Variants in LRMDA observed in about 807,000 individuals in gnomAD.
The protein encoded by LRMDA is leucine rich melanocyte differentiation associated, also known as leucine-rich melanocyte differentiation-associated protein.
A neutral mutation model predicts 29.8 loss-of-function variants in LRMDA; 18 were observed. The ratio of observed to expected loss-of-function variants is 0.60; its 90% CI spans 0.42 to 0.90. The LOEUF is 0.90. Ranked by LOEUF, LRMDA falls within the 40% of genes least tolerant of loss-of-function variation. The pLI, the probability that LRMDA is intolerant of heterozygous loss-of-function variation, is 0.00. For synonymous variants in LRMDA, 125 were observed against 109.4 expected, an observed-to-expected ratio of 1.14 and a Z score of -0.89; for missense variants, 273 against 273.9, an observed-to-expected ratio of 1.00 and a Z score of 0.02.
At position 76,179,238 on chromosome 10, in the gene LRMDA, G is replaced by A. The variant is rs192211065; in HGVS notation, c.516+120455G>A. On this transcript the variant is annotated intron_variant, in intron 5 of 6. Transcript: ENST00000611255. ...GAAAAGAATAGGATGCAATCAAGGA[G>A]GGGGGGGTGGTGGAGGAGTAGAGGA... Among the ~76,000 whole-genome samples the A allele has an allele frequency of 1.5e-4, 22 of 151,016 alleles. No individual in the cohort carries two copies. In the East Asian group the frequency reaches 3.9e-3, roughly 27 times the overall value.
chr10:75,992,116 A>G (rs1847380502), intron 2 of LRMDA, among the ~76,000 whole-genome samples: 1 of 152,150 alleles, frequency 6.6e-6, no homozygotes, highest in Non-Finnish European at 1.5e-5. Context: ...GTGGGTGACA[A>G]TCTCTTCATT....
intron 2 of LRMDA, among the ~76,000 whole-genome samples, chr10:75,465,484 G>A (rs149562877): frequency 2.6e-5 from 4 of 152,270 alleles, no homozygotes; most frequent in Admixed American, 6.5e-5. Context: ...CATTTTACGT[G>A]CCCTCTCTTG....
chr10:75,952,848 G>A (rs1298140462), intron 2 of LRMDA, among the ~76,000 whole-genome samples: 1 of 151,970 alleles, frequency 6.6e-6, no homozygotes, highest in Non-Finnish European at 1.5e-5. Context: ...TCCGCCTCCC[G>A]GGTTCAAGCA....
At position 76,450,145 on chromosome 10, in the gene LRMDA, T is replaced by C. The variant is rs111265063; in HGVS notation, c.602-107064T>C. Among the ~76,000 whole-genome samples the C allele has an allele frequency of 3.2e-3, 493 of 152,228 alleles. 4 individuals are homozygous for C. Among genetic ancestry groups the C allele is most frequent in the African/African-American group, 0.011 (472 of 41,582 alleles). On this transcript the variant is annotated intron_variant, in intron 6 of 6. Coordinates refer to ENST00000611255, the MANE Select transcript of LRMDA (RefSeq NM_001305581.2). ...TCAGGAAGAGAATAAAAATGATTAA[T>C]GTTTTTATGATTTTAAGCTTAGTAA...
At chr10:76,040,795 A>C (rs945516489) in intron 3 of LRMDA, among the ~76,000 whole-genome samples, 1 of 152,186 alleles carries the variant, frequency 6.6e-6, no homozygotes, top group African/African-American at 2.4e-5. Flanking sequence ...GGGGCACATA[A>C]GCAGATTTTA....
intron 2 of LRMDA, among the ~76,000 whole-genome samples, chr10:75,925,124 T>G (rs1321927200): frequency 6.6e-6 from 1 of 152,226 alleles, no homozygotes; most frequent in Admixed American, 6.5e-5. Context: ...ACTGGCTTAT[T>G]GTCTGACAAA....
intron 2 of LRMDA, among the ~76,000 whole-genome samples, chr10:75,556,335 C>G (rs1840213051): frequency 6.6e-6 from 1 of 152,144 alleles, no homozygotes; most frequent in South Asian, 2.1e-4. Flanking sequence ...ATAGCAAAGA[C>G]AGTGGGACAT....
At chr10:75,802,008 A>T (rs909592934) in intron 2 of LRMDA, among the ~76,000 whole-genome samples, 34 of 151,868 alleles carry the variant, frequency 2.2e-4, no homozygotes, top group Non-Finnish European at 2.2e-4. Flanking sequence ...CAGCTTGAGG[A>T]CTCTCTTGCT....
intron 2 of LRMDA, among the ~76,000 whole-genome samples, chr10:76,032,143 G>T (rs1484372364): frequency 2.6e-5 from 4 of 152,206 alleles, no homozygotes; most frequent in African/African-American, 9.6e-5. Flanking sequence ...CCCTACCTGG[G>T]CCCGGGCCCT....
At chr10:76,547,572 C>T (rs1418679540) in intron 6 of LRMDA, among the ~76,000 whole-genome samples, 1 of 152,200 alleles carries the variant, frequency 6.6e-6, no homozygotes, top group Non-Finnish European at 1.5e-5. Context: ...GTGATGCTCC[C>T]GACTTCAGCT....
chr10:76,452,250 T>C (rs765772290), intron 6 of LRMDA, among the ~76,000 whole-genome samples: 3 of 152,122 alleles, frequency 2.0e-5, no homozygotes, highest in Non-Finnish European at 4.4e-5. Flanking sequence ...GACAATAATA[T>C]ATGGTAAGAA....
At position 76,294,923 on chromosome 10, in the gene LRMDA, C is replaced by T. The variant is rs114690132; in HGVS notation, c.517-29478C>T. Among the ~76,000 whole-genome samples, 517 of 152,254 alleles carry T rather than the reference C, an allele frequency of 3.4e-3. 1 individual carries two copies. The highest frequency in any genetic ancestry group is 0.012 in the African/African-American group (492 of 41,550). On this transcript the variant is annotated intron_variant, in intron 5 of 6. Transcript: ENST00000611255. ...CTTCTTGGGATTCATACAGTTCACC[C>T]ATCATCTAGAGGACTAGGTTCAGGT...
At chr10:75,900,490 G>A (rs1358750114) in intron 2 of LRMDA, among the ~76,000 whole-genome samples, 1 of 152,200 alleles carries the variant, frequency 6.6e-6, no homozygotes, top group African/African-American at 2.4e-5. Context: ...ATAAATTGCA[G>A]ACCATTAGTA....
chr10:76,284,101 T>A (rs2132337931), intron 5 of LRMDA, among the ~76,000 whole-genome samples: 1 of 152,308 alleles, frequency 6.6e-6, no homozygotes, highest in South Asian at 2.1e-4. Context: ...TGGGATGTTA[T>A]TTTTGGTCTT....
chr10:76,518,331 T>G (rs1228819281), intron 6 of LRMDA, among the ~76,000 whole-genome samples: 1 of 142,552 alleles, frequency 7.0e-6, no homozygotes, highest in Non-Finnish European at 1.6e-5. Context: ...ATCTATCATC[T>G]CTATCTGTAT....
At chr10:76,001,378 A>G (rs929214568) in intron 2 of LRMDA, among the ~76,000 whole-genome samples, 1 of 152,222 alleles carries the variant, frequency 6.6e-6, no homozygotes, top group Admixed American at 6.5e-5. Flanking sequence ...CCCATCACAC[A>G]GCGTATCAAA....
chr10:76,151,038 G>GCA (rs1171143954), intron 5 of LRMDA, among the ~76,000 whole-genome samples: 2 of 152,148 alleles, frequency 1.3e-5, no homozygotes, highest in Non-Finnish European at 2.9e-5. Context: ...CGCCCTGTAT[G>GCA]CACCTCTGAA....
At chr10:75,547,523 C>T (rs1403436232) in intron 2 of LRMDA, among the ~76,000 whole-genome samples, 2 of 152,198 alleles carry the variant, frequency 1.3e-5, no homozygotes, top group Non-Finnish European at 2.9e-5. Flanking sequence ...ACCACTGTGG[C>T]CACAATAAGT....
chr10:76,190,017 A>T (rs545172820), intron 5 of LRMDA, among the ~76,000 whole-genome samples: 1 of 152,252 alleles, frequency 6.6e-6, no homozygotes, highest in East Asian at 1.9e-4. Flanking sequence ...GTACTGTGGG[A>T]CTTGTTTCTT....
Sources: allele counts gnomAD v4.1 joint callset (sites outside exome capture counted in the v4.1 genomes callset), GRCh38; gene constraint gnomAD v4.1.1; transcripts MANE v1.5; gene names NCBI Gene and HGNC (gene_info 2026-07-23, HGNC 2026-07-21).